The following PDGFRA variants were observed in gnomAD, a reference collection of about 807,000 sequenced individuals.
PDGFRA encodes platelet derived growth factor receptor alpha.
PDGFRA carries 25 observed loss-of-function variants against 121.5 expected under a neutral mutation model. The observed-to-expected ratio is 0.21, with a 90% CI of 0.15 to 0.29. The LOEUF is 0.29. Among genes scored for constraint, PDGFRA ranks in the 10% least tolerant of loss-of-function variants. The pLI is 1.00. For missense variants in PDGFRA, 1,008 were observed against 1,345.1 expected (o/e 0.75, Z 3.92); for synonymous variants, 463 against 494.8 (o/e 0.94, Z 0.85).
Position 54,285,293 on chromosome 4 carries a change from G to A in PDGFRA, c.2324-78G>A, listed in dbSNP as rs1259019679. 6 of 776,432 alleles carry A rather than the reference G, an allele frequency of 7.7e-6. No homozygotes were observed. The Admixed American group carries it at 8.7e-5, about 11-fold the overall frequency. 48.1% of individuals were successfully genotyped at this position (776,432 alleles called of 1,614,324 possible). A position where few individuals can be genotyped will look rare whatever the true frequency, so the allele number is the denominator to read the frequency against. Reference sequence around the variant, plus strand: ...AAATTAAGAAAATATTTTTGGATGTGTTCTTTGGGCATGCCTCTGCAACCT... The same window carrying A: ...AAATTAAGAAAATATTTTTGGATGTATTCTTTGGGCATGCCTCTGCAACCT... On this transcript the variant is annotated intron_variant, in intron 16 of 22. Transcript: ENST00000257290.
At chr4:54,248,622 A>T (rs372274136) in intron 1 of PDGFRA, among the ~76,000 whole-genome samples, 10 of 152,338 alleles carry the variant, frequency 6.6e-5, no homozygotes, top group Admixed American at 3.3e-4. Context: ...CCTAGAAGAA[A>T]ACCTAGGCAT....
At chr4:54,256,307 C>T (rs1722363114) in intron 1 of PDGFRA, among the ~76,000 whole-genome samples, 2 of 152,068 alleles carry the variant, frequency 1.3e-5, no homozygotes, top group African/African-American at 4.8e-5. Context: ...ATGACCTTGG[C>T]TCACTGCAAC....
intron 1 of PDGFRA, among the ~76,000 whole-genome samples, chr4:54,253,463 A>T (rs868093732): frequency 9.2e-5 from 14 of 152,050 alleles, no homozygotes; most frequent in African/African-American, 3.1e-4. Flanking sequence ...GGCTAAGAGG[A>T]TGGGGGTAAA....
At chr4:54,261,934 T>C (rs865948234) in intron 3 of PDGFRA, among the ~76,000 whole-genome samples, 5 of 37,868 alleles carry the variant, frequency 1.3e-4, no homozygotes, top group Non-Finnish European at 5.9e-4. Flanking sequence ...TATATATATT[T>C]TTTTTTTTTT....
chr4:54,289,264 G>A, intron 21 of PDGFRA, 150 bp downstream of exon 21: 1 of 696,834 alleles, frequency 1.4e-6, no homozygotes, highest in Non-Finnish European at 2.6e-6. Context: ...TGCTCCACGA[G>A]ACCCTAGTAG....
chr4:54,246,158 C>G (rs565796021), intron 1 of PDGFRA, among the ~76,000 whole-genome samples: 1 of 152,064 alleles, frequency 6.6e-6, no homozygotes, highest in African/African-American at 2.4e-5. Context: ...GACAGATCAA[C>G]GAGACAAAAA....
In PDGFRA at chr4:54,281,613, A is replaced by G. The variant is rs1364551341; in HGVS notation, c.2323+1131A>G. On this transcript the variant is annotated intron_variant, in intron 16 of 22. Coordinates refer to ENST00000257290, the MANE Select transcript of PDGFRA (RefSeq NM_006206.6). ...TGGTGGAGTTGGCACGAGATGTCAGAGGAACCTGAGTCATGCTCAGGCCCA... is the reference window on the plus strand; with the variant it reads ...TGGTGGAGTTGGCACGAGATGTCAGGGGAACCTGAGTCATGCTCAGGCCCA... 6.6e-6 allele frequency: 9 copies of G among 1,356,266 alleles called. No individual in the cohort carries two copies. The African/African-American group carries it at 7.2e-5, about 11-fold the overall frequency. The allele number at this position is 1,356,266 out of a possible 1,614,324, so 84.0% of individuals were successfully genotyped here.
chr4:54,241,960 T>A (rs1271456057), intron 1 of PDGFRA, among the ~76,000 whole-genome samples: 3 of 152,206 alleles, frequency 2.0e-5, no homozygotes, highest in Non-Finnish European at 4.4e-5. Context: ...AATATTGACT[T>A]TTAATTCTAG....
chr4:54,285,734 C>A lies in PDGFRA; in HGVS notation c.2440-107C>A, dbSNP rs1724321939. 5 of 1,233,730 alleles carry A rather than the reference C, an allele frequency of 4.1e-6. No individual in the cohort carries two copies. In the African/African-American group the frequency reaches 4.4e-5, roughly 11 times the overall value. 76.4% of individuals were successfully genotyped at this position (1,233,730 alleles called of 1,614,324 possible). On this transcript the variant is annotated intron_variant, in intron 17 of 22. Transcript: ENST00000257290. ...TGGGAGAAGGCCAGCCCTTTATATC[C>A]AGGCAGACAGCTCCAAGTGCCACCA...
chr4:54,267,491 C>T (rs1211589825), intron 6 of PDGFRA, 31 bp downstream of exon 6: 1 of 1,613,640 alleles, frequency 6.2e-7, no homozygotes, highest in Admixed American at 1.7e-5. Flanking sequence ...TGTCAGTTGT[C>T]CATGCTGCTC....
intron 1 of PDGFRA, among the ~76,000 whole-genome samples, chr4:54,231,318 A>G (rs564237327): frequency 6.6e-6 from 1 of 152,306 alleles, no homozygotes; most frequent in Non-Finnish European, 1.5e-5. Context: ...CCGAGGCCAA[A>G]TTGCTCAATG....
intron 1 of PDGFRA, among the ~76,000 whole-genome samples, chr4:54,236,480 G>C (rs919692006): frequency 6.6e-6 from 1 of 152,170 alleles, no homozygotes; most frequent in Non-Finnish European, 1.5e-5. Flanking sequence ...TGAGTAAACT[G>C]TCTGAGTTAT....
chr4:54,298,162 C>T lies in PDGFRA; in HGVS notation c.*2890C>T, dbSNP rs767009807. The T allele has an allele frequency of 2.4e-5, 5 of 210,746 alleles. No homozygotes were observed. The highest frequency in any genetic ancestry group is 5.9e-5 in the Admixed American group (1 of 16,918). 13.1% of individuals were successfully genotyped at this position (210,746 alleles called of 1,614,324 possible). On this transcript the variant is annotated 3_prime_UTR_variant, in exon 23 of 23. Transcript: ENST00000257290. ...GGGTCTACCAATACAAAATGTATTA[C>T]GAATGCCCCTGTTCATGTTTTTGTT...
Position 54,290,573 on chromosome 4 carries a change from T to C in PDGFRA, c.3122+19T>C, listed in dbSNP as rs1724580931. 6.2e-7 allele frequency: 1 copy of C among 1,613,766 alleles called. No individual in the cohort carries two copies. The highest frequency in any genetic ancestry group is 1.3e-5 in the African/African-American group (1 of 74,912). On this transcript the variant is annotated intron_variant, in intron 22 of 22. Transcript: ENST00000257290. ...GACACAGGTAGCTGTGGGGGCAGCCTCGGTGTCTCACCTTTCCCCTCCCCT... is the reference window on the plus strand; with the variant it reads ...GACACAGGTAGCTGTGGGGGCAGCCCCGGTGTCTCACCTTTCCCCTCCCCT...
rs1022268888 is a variant in PDGFRA at position 54,260,628 on chromosome 4, G to A, written c.50-467G>A. ...TCACTACGTTGCCCAGGCTGGTCTC[G>A]AACTCCTGAGCTCAAGCGATCCTCC... On this transcript the variant is annotated intron_variant, in intron 2 of 22. Transcript: ENST00000257290. Among the ~76,000 whole-genome samples the A allele has an allele frequency of 8.6e-5, 13 of 151,592 alleles. No homozygotes were observed. The East Asian group carries it at 2.1e-3, about 25-fold the overall frequency.
chr4:54,295,343 G>A lies in PDGFRA; in HGVS notation c.*71G>A. 1.3e-6 allele frequency: 2 copies of A among 1,492,110 alleles called. No homozygotes were observed. The highest frequency in any genetic ancestry group is 2.3e-5 in the South Asian group (2 of 88,476). The allele number at this position is 1,492,110 out of a possible 1,614,324, so 92.4% of individuals were successfully genotyped here. On this transcript the variant is annotated 3_prime_UTR_variant, in exon 23 of 23. Coordinates refer to ENST00000257290, the MANE Select transcript of PDGFRA (RefSeq NM_006206.6). ...ATCCCGTTCAGAAAACCACTTTATT[G>A]CAATGCAGAGGTTGAGAGGAGGACT... is the stretch of plus-strand genomic sequence containing the variant.
chr4:54,230,773 C>T (rs1720615735), intron 1 of PDGFRA, among the ~76,000 whole-genome samples: 1 of 152,206 alleles, frequency 6.6e-6, no homozygotes, highest in Non-Finnish European at 1.5e-5. Context: ...CATTCCTCTC[C>T]CTGCCGGCTT....
chr4:54,278,498 T>C lies in PDGFRA; in HGVS notation c.2139T>C (p.Ala713=), dbSNP rs1266505496. The C allele has an allele frequency of 6.2e-7, 1 of 1,614,082 alleles. No individual in the cohort carries two copies. The highest frequency in any genetic ancestry group is 8.5e-7 in the Non-Finnish European group (1 of 1,179,986). ...KELDIFGLNP[A]DESTRSYVIL... is the part of the protein sequence containing the mutation. ...TGGATATCTTTGGATTGAACCCTGC[T>C]GATGAAAGCACACGGAGGTGGGTGC... Residue 713 remains alanine (A), a synonymous_variant, in exon 15 of 23, where the codon GCT becomes GCC. Transcript: ENST00000257290.
intron 1 of PDGFRA, chr4:54,240,055 G>A: frequency 4.8e-6 from 2 of 420,054 alleles, no homozygotes; most frequent in South Asian, 3.4e-5. Context: ...GTTTTGCCAT[G>A]CTGCCTAGAC....
Sources: gnomAD v4.1 joint callset for allele counts (sites outside exome capture counted in the v4.1 genomes callset) on GRCh38, gnomAD v4.1.1 for gene constraint, MANE v1.5 for transcripts, NCBI Gene and HGNC (gene_info 2026-07-23, HGNC 2026-07-21) for gene names.